The following RFPL1 variants were observed in gnomAD, a reference collection of about 807,000 sequenced individuals.
RFPL1 encodes ret finger protein like 1, also known as ret finger protein-like 1.
In RFPL1, 6 loss-of-function variants were observed where a neutral mutation model predicts 9.6. The ratio of observed to expected loss-of-function variants is 0.62; its 90% CI spans 0.34 to 1.23. The LOEUF is 1.23. RFPL1 is among the 50% of genes most tolerant of loss of function. The pLI, the probability that RFPL1 is intolerant of heterozygous loss-of-function variation, is 0.03. For missense variants in RFPL1, 352 were observed against 398.4 expected, an observed-to-expected ratio of 0.88 and a Z score of 0.99; for synonymous variants, 145 against 149.4, an observed-to-expected ratio of 0.97 and a Z score of 0.22.
intron 1 of RFPL1, 62 bp downstream of exon 1, chr22:29,439,226 A>G: frequency 6.4e-7 from 1 of 1,556,812 alleles, no homozygotes. Flanking sequence ...CATCTGTGCA[A>G]CTGGCCCCTC....
the RFPL1 span, among the ~76,000 whole-genome samples, chr22:29,411,837 T>A: frequency 2.0e-5 from 3 of 152,132 alleles, no homozygotes; most frequent in Non-Finnish European, 4.4e-5. Flanking sequence ...TAACATAATA[T>A]ATTGGGGGTT....
chr22:29,404,742 T>C, the RFPL1 span, among the ~76,000 whole-genome samples: 2 of 152,230 alleles, frequency 1.3e-5, no homozygotes, highest in African/African-American at 4.8e-5. Flanking sequence ...TTTTTATCTT[T>C]AAGAGACAGG....
chr22:29,397,009 C>A, the RFPL1 span, among the ~76,000 whole-genome samples: 1 of 150,854 alleles, frequency 6.6e-6, no homozygotes, highest in Non-Finnish European at 1.5e-5. Flanking sequence ...CGGGTTCACG[C>A]CATTCTCCTG....
At chr22:29,407,024 G>A in the RFPL1 span, among the ~76,000 whole-genome samples, 2 of 151,894 alleles carry the variant, frequency 1.3e-5, no homozygotes, top group African/African-American at 4.8e-5. Flanking sequence ...TTAAATCAAT[G>A]GTAGATGATA....
At chr22:29,442,101 C>T (rs753506631) in exon 2 of RFPL1, 1 of 1,580,810 alleles carries the variant, frequency 6.3e-7, no homozygotes, top group South Asian at 1.1e-5. Flanking sequence ...ATGCTCCAGT[C>T]CATCCTGGGG....
chr22:29,388,844 G>A, the RFPL1 span, among the ~76,000 whole-genome samples: 1 of 152,170 alleles, frequency 6.6e-6, no homozygotes, highest in South Asian at 2.1e-4. Flanking sequence ...GAGGTTCTAA[G>A]AGGGGCAGGG....
the RFPL1 span, among the ~76,000 whole-genome samples, chr22:29,389,831 C>T: frequency 6.6e-6 from 1 of 151,622 alleles, no homozygotes; most frequent in Non-Finnish European, 1.5e-5. Context: ...CAGGGTCTCG[C>T]TCTGTTGCCC....
chr22:29,425,937 T>A, the RFPL1 span, among the ~76,000 whole-genome samples: 2 of 152,214 alleles, frequency 1.3e-5, no homozygotes, highest in Admixed American at 1.3e-4. Context: ...TTTGTTATGA[T>A]GTATTTTTTG....
the RFPL1 span, among the ~76,000 whole-genome samples, chr22:29,430,826 A>G: frequency 8.5e-5 from 13 of 152,294 alleles, no homozygotes; most frequent in East Asian, 1.9e-3. Flanking sequence ...CTAATCCTGA[A>G]TCTTTTTATT....
At chr22:29,389,790 ATTTG>A in the RFPL1 span, among the ~76,000 whole-genome samples, 1 of 135,554 alleles carries the variant, frequency 7.4e-6, no homozygotes, top group African/African-American at 2.7e-5. Flanking sequence ...TTGATAGATC[ATTTG>A]TTTTTTTTTG....
chr22:29,435,762 C>T (rs549151669), upstream of RFPL1, among the ~76,000 whole-genome samples: 95 of 152,016 alleles, frequency 6.2e-4, no homozygotes, highest in Middle Eastern at 3.4e-3. Context: ...ATTTTAGGAG[C>T]GGGAAATAGA....
the RFPL1 span, among the ~76,000 whole-genome samples, chr22:29,391,141 C>CA: frequency 3.7e-4 from 56 of 150,612 alleles, no homozygotes; most frequent in Middle Eastern, 3.4e-3. Flanking sequence ...GACTCTGTCT[C>CA]AAAAAAAATA....
rs770656606 is a variant in RFPL1 at position 29,442,047 on chromosome 22, GA to G, written c.880del (p.Ser294ValfsTer3). On this transcript the variant is annotated frameshift_variant, in exon 2 of 2. Coordinates refer to ENST00000354373, the Ensembl canonical transcript of RFPL1. LOFTEE classifies it low-confidence loss of function (END_TRUNC). Reference sequence around the variant, plus strand: ...CTCCAAGTCCACCTAATGGTGATAAGAGTGTCTTGAGTATCTGTCCTGTGAT... The same window carrying G: ...CTCCAAGTCCACCTAATGGTGATAAGGTGTCTTGAGTATCTGTCCTGTGAT... 34 of 1,613,590 alleles carry G rather than the reference GA, an allele frequency of 2.1e-5. No homozygotes were observed. The highest frequency in any genetic ancestry group is 1.1e-4 in the East Asian group (5 of 44,886).
the RFPL1 span, among the ~76,000 whole-genome samples, chr22:29,430,419 C>T: frequency 7.9e-5 from 12 of 151,998 alleles, no homozygotes; most frequent in Admixed American, 2.6e-4. Context: ...TGTATATATA[C>T]GCATTTAAAT....
At chr22:29,436,315 A>G (rs974207490), upstream of RFPL1, among the ~76,000 whole-genome samples, 16 of 151,968 alleles carry the variant, frequency 1.1e-4, no homozygotes, top group African/African-American at 3.9e-4. Context: ...TAATAAATAC[A>G]GGCGGTGGCT....
the RFPL1 span, among the ~76,000 whole-genome samples, chr22:29,412,330 C>A: frequency 6.6e-6 from 1 of 152,182 alleles, no homozygotes; most frequent in Non-Finnish European, 1.5e-5. Flanking sequence ...CAATGGTTGT[C>A]TGGCCCAGAA....
At chr22:29,413,080 C>CACCAGGATAGGGGAG in the RFPL1 span, among the ~76,000 whole-genome samples, 1 of 151,670 alleles carries the variant, frequency 6.6e-6, no homozygotes, top group South Asian at 2.1e-4. Context: ...GAGCAGCAAA[C>CACCAGGATAGGGGAG]GATTCTGCAG....
chr22:29,391,469 A>G, the RFPL1 span, among the ~76,000 whole-genome samples: 5 of 152,320 alleles, frequency 3.3e-5, no homozygotes, highest in African/African-American at 1.2e-4. Flanking sequence ...TCAGTGGAAA[A>G]CAAAATTTCA....
At chr22:29,420,638 T>TG in the RFPL1 span, among the ~76,000 whole-genome samples, 3 of 129,654 alleles carry the variant, frequency 2.3e-5, 1 homozygote, top group Non-Finnish European at 5.0e-5. Context: ...TTTTTGCTTT[T>TG]TTTTTTTTTT....
Sources: allele counts gnomAD v4.1 joint callset (sites outside exome capture counted in the v4.1 genomes callset), GRCh38; gene constraint gnomAD v4.1.1; transcripts MANE v1.5; gene names NCBI Gene and HGNC (gene_info 2026-07-23, HGNC 2026-07-21).